The following FMN1 variants were observed in gnomAD, a reference collection of about 807,000 sequenced individuals.
FMN1 encodes formin-1.
FMN1 carries 110 observed loss-of-function variants against 132.4 expected under a neutral mutation model. The observed-to-expected ratio is 0.83, with a 90% CI of 0.71 to 0.97. The LOEUF (loss-of-function observed/expected upper bound fraction) is 0.97. Ranked by LOEUF, FMN1 falls within the 50% of genes least tolerant of loss-of-function variation. FMN1 has a pLI of 0.00. For missense variants in FMN1, 1,792 were observed against 1,705.3 expected (o/e 1.05, Z -0.90); for synonymous variants, 722 against 651.7 (o/e 1.11, Z -1.64).
rs3743106 is a variant in FMN1, at chr15:32,771,608, T to G, written c.*2702A>C. On this transcript the variant is annotated 3_prime_UTR_variant, in exon 21 of 21. Coordinates refer to ENST00000616417, the MANE Select transcript of FMN1 (RefSeq NM_001277313.2). ...TACTACTAAGTCAGGTGTGTCTGGTTAGATGCAGCATAGCAAACTGGTTAC... is the reference window on the plus strand; with the variant it reads ...TACTACTAAGTCAGGTGTGTCTGGTGAGATGCAGCATAGCAAACTGGTTAC... The G allele has an allele frequency of 0.57, 86,105 of 152,054 alleles. 24,808 individuals are homozygous for G. The highest frequency in any genetic ancestry group is 0.77 in the East Asian group (3,956 of 5,152). 9.4% of individuals were successfully genotyped at this position (152,054 alleles called of 1,614,324 possible).
At chr15:32,944,863 A>G (rs1008314835) in intron 9 of FMN1, among the ~76,000 whole-genome samples, 1 of 152,134 alleles carries the variant, frequency 6.6e-6, no homozygotes, top group African/African-American at 2.4e-5. Context: ...ACAAAATCAC[A>G]TGCTTTTTCC....
At position 32,766,538 on chromosome 15, in the gene FMN1, C is replaced by G. The variant is rs1481635089; in HGVS notation, c.*7772G>C. The G allele has an allele frequency of 2.9e-5, 4 of 137,590 alleles. No individual in the cohort carries two copies. In the South Asian group the frequency reaches 7.8e-4, roughly 27 times the overall value. 8.5% of individuals were successfully genotyped at this position (137,590 alleles called of 1,614,324 possible). A position where few individuals can be genotyped will look rare whatever the true frequency, so the allele number is the denominator to read the frequency against. On this transcript the variant is annotated 3_prime_UTR_variant, in exon 21 of 21. Coordinates refer to ENST00000616417, the MANE Select transcript of FMN1 (RefSeq NM_001277313.2). ...GAAGGCCTAGAATAAGAACCCCCCC[C>G]CCACCCCGCCCAATCTTCTTAAAAT...
At chr15:33,181,966 TC>T (rs1965720562) in intron 2 of FMN1, among the ~76,000 whole-genome samples, 1 of 152,112 alleles carries the variant, frequency 6.6e-6, no homozygotes, top group African/African-American at 2.4e-5. Flanking sequence ...TGCCTCGGCC[TC>T]CCAAAGTGCT....
intron 4 of FMN1, among the ~76,000 whole-genome samples, chr15:33,143,651 C>A (rs1447783073): frequency 6.6e-6 from 1 of 152,174 alleles, no homozygotes; most frequent in African/African-American, 2.4e-5. Flanking sequence ...GGCATGTCAG[C>A]TGCAGGAATT....
At chr15:32,904,375 G>A (rs1331187777) in intron 12 of FMN1, among the ~76,000 whole-genome samples, 1 of 152,210 alleles carries the variant, frequency 6.6e-6, no homozygotes, top group Non-Finnish European at 1.5e-5. Flanking sequence ...AAAATACAGG[G>A]TTTAAACTTC....
At chr15:33,043,234 G>C in intron 6 of FMN1, among the ~76,000 whole-genome samples, 1 of 152,190 alleles carries the variant, frequency 6.6e-6, no homozygotes, top group East Asian at 1.9e-4. Context: ...GCCTAAAGCT[G>C]CCTCCTCCTT....
At chr15:32,792,650 G>A (rs2057129592) in intron 19 of FMN1, among the ~76,000 whole-genome samples, 2 of 152,090 alleles carry the variant, frequency 1.3e-5, no homozygotes, top group African/African-American at 2.4e-5. Context: ...ACATTTCCTG[G>A]TCTCCCTTGT....
intron 5 of FMN1, among the ~76,000 whole-genome samples, chr15:33,086,845 C>G (rs1236202741): frequency 6.6e-6 from 1 of 151,492 alleles, no homozygotes; most frequent in Non-Finnish European, 1.5e-5. Context: ...TTTGTAATAT[C>G]TGGAATGTTG....
chr15:33,090,230 C>T (rs2038856270), intron 4 of FMN1, among the ~76,000 whole-genome samples: 2 of 152,122 alleles, frequency 1.3e-5, no homozygotes, highest in Middle Eastern at 6.8e-3. Context: ...ACACATAATC[C>T]CTGTAAGAGT....
At chr15:32,856,238 A>G (rs750320696) in intron 17 of FMN1, among the ~76,000 whole-genome samples, 5 of 152,200 alleles carry the variant, frequency 3.3e-5, no homozygotes, top group African/African-American at 4.8e-5. Context: ...AAAGGCTCCT[A>G]TGTGTGTTTC....
intron 4 of FMN1, among the ~76,000 whole-genome samples, chr15:33,119,652 T>A (rs556986231): frequency 6.6e-6 from 1 of 152,368 alleles, no homozygotes; most frequent in East Asian, 1.9e-4. Context: ...TCACTCTGTT[T>A]TACAAAAGAT....
At chr15:32,838,305 C>T (rs2058672089) in intron 17 of FMN1, among the ~76,000 whole-genome samples, 2 of 151,892 alleles carry the variant, frequency 1.3e-5, no homozygotes, top group South Asian at 4.2e-4. Context: ...GAGGTGAGGC[C>T]AATGTATGGA....
intron 4 of FMN1, among the ~76,000 whole-genome samples, chr15:33,091,006 T>C (rs1006150699): frequency 1.3e-5 from 2 of 152,226 alleles, no homozygotes; most frequent in African/African-American, 4.8e-5. Flanking sequence ...CCAAGATGTT[T>C]TGGTTACTAA....
chr15:32,889,904 T>C (rs994044898), intron 15 of FMN1, among the ~76,000 whole-genome samples: 4 of 152,192 alleles, frequency 2.6e-5, no homozygotes, highest in Non-Finnish European at 5.9e-5. Flanking sequence ...CTCTTTGTAG[T>C]ATTTTATCCC....
In FMN1 at chr15:32,766,283, G is replaced by A. The variant is rs1302746458; in HGVS notation, c.*8027C>T. On this transcript the variant is annotated 3_prime_UTR_variant, in exon 21 of 21. Transcript: ENST00000616417. ...GTGTCAACATCCTGATTCAGAACAG[G>A]GGTAGATGTTTGAATCATGAATAGT... 2.0e-5 allele frequency: 3 copies of A among 152,144 alleles called. No individual in the cohort carries two copies. The highest frequency in any genetic ancestry group is 7.2e-5 in the African/African-American group (3 of 41,420). 9.4% of individuals were successfully genotyped at this position (152,144 alleles called of 1,614,324 possible).
At chr15:32,786,509 G>A (rs922123606) in intron 19 of FMN1, among the ~76,000 whole-genome samples, 3 of 152,228 alleles carry the variant, frequency 2.0e-5, no homozygotes, top group African/African-American at 7.2e-5. Flanking sequence ...AGAGCTTCAA[G>A]GATGAAATAC....
rs1050963726 is a variant in FMN1 at position 32,767,371 on chromosome 15, C to G, written c.*6939G>C. On this transcript the variant is annotated 3_prime_UTR_variant, in exon 21 of 21. Transcript: ENST00000616417. ...ACCCTGAAGTACTTGAAATAATTTA[C>G]ATTTCTGCTAGGTCTGATTCATACT... 6.6e-6 allele frequency: 1 copy of G among 152,156 alleles called. No individual in the cohort carries two copies. Among genetic ancestry groups the G allele is most frequent in the Non-Finnish European group, 1.5e-5 (1 of 68,030 alleles). The allele number at this position is 152,156 out of a possible 1,614,324, so 9.4% of individuals were successfully genotyped here.
intron 16 of FMN1, among the ~76,000 whole-genome samples, chr15:32,881,592 T>C (rs2059771953): frequency 6.6e-6 from 1 of 152,192 alleles, no homozygotes; most frequent in Non-Finnish European, 1.5e-5. Flanking sequence ...AACCATATTG[T>C]TGTTTATGGG....
chr15:32,945,064 AG>A (rs2061480595), intron 9 of FMN1, among the ~76,000 whole-genome samples: 1 of 152,200 alleles, frequency 6.6e-6, no homozygotes, highest in Non-Finnish European at 1.5e-5. Flanking sequence ...TTGTTAAATT[AG>A]CCCTAGGAAA....
Sources: gnomAD v4.1 joint callset for allele counts (sites outside exome capture counted in the v4.1 genomes callset) on GRCh38, gnomAD v4.1.1 for gene constraint, MANE v1.5 for transcripts, NCBI Gene and HGNC (gene_info 2026-07-23, HGNC 2026-07-21) for gene names.